Variants in MAGI2 observed in about 807,000 individuals in gnomAD.
MAGI2 encodes the protein membrane associated guanylate kinase, WW and PDZ domain containing 2.
MAGI2 carries 35 observed loss-of-function variants against 133.3 expected under a neutral mutation model. That is an observed-to-expected ratio of 0.26 (90% confidence interval 0.20 to 0.35). The LOEUF is 0.35. MAGI2 is among the 10% of genes least tolerant of loss of function. The pLI is 1.00. For missense variants in MAGI2, 1,636 were observed against 1,863.4 expected (o/e 0.88, Z 2.25); for synonymous variants, 729 against 710.6 (o/e 1.03, Z -0.41).
chr7:78,526,712 T>C (rs577251345), intron 3 of MAGI2, among the ~76,000 whole-genome samples: 143 of 152,252 alleles, frequency 9.4e-4, no homozygotes, highest in Non-Finnish European at 1.9e-3. Flanking sequence ...TACTCTGTTA[T>C]ACAAATAGAA....
At chr7:78,417,965 C>G (rs754459195) in intron 6 of MAGI2, among the ~76,000 whole-genome samples, 6 of 152,100 alleles carry the variant, frequency 3.9e-5, no homozygotes, top group Non-Finnish European at 7.4e-5. Flanking sequence ...AGGACCTGGT[C>G]ATGGCTCTCC....
intron 1 of MAGI2, among the ~76,000 whole-genome samples, chr7:79,429,506 T>C (rs983182031): frequency 1.3e-5 from 2 of 152,076 alleles, no homozygotes; most frequent in African/African-American, 4.8e-5. Context: ...GGTTTCACCA[T>C]GTTGGCCAGG....
At chr7:79,249,081 C>T (rs1833032914) in intron 1 of MAGI2, among the ~76,000 whole-genome samples, 1 of 152,040 alleles carries the variant, frequency 6.6e-6, no homozygotes, top group Non-Finnish European at 1.5e-5. Context: ...ACAGGCTGTT[C>T]TCAAACTCCT....
chr7:78,500,566 C>T (rs900584307), intron 5 of MAGI2, among the ~76,000 whole-genome samples: 3 of 152,030 alleles, frequency 2.0e-5, no homozygotes, highest in Non-Finnish European at 4.4e-5. Context: ...AAAAGAAAAG[C>T]CTGACATTAT....
At chr7:78,166,001 A>C (rs1825586642) in intron 15 of MAGI2, among the ~76,000 whole-genome samples, 1 of 152,192 alleles carries the variant, frequency 6.6e-6, no homozygotes, top group Non-Finnish European at 1.5e-5. Context: ...TAAACTTGGA[A>C]ACTCTCCTGG....
intron 1 of MAGI2, among the ~76,000 whole-genome samples, chr7:79,397,294 CATTTA>C (rs1338858206): frequency 6.6e-6 from 1 of 151,486 alleles, no homozygotes; most frequent in Non-Finnish European, 1.5e-5. Flanking sequence ...TATTTTTTCA[CATTTA>C]ATTATAATAG....
At chr7:78,700,030 T>C (rs894416158) in intron 2 of MAGI2, among the ~76,000 whole-genome samples, 1 of 152,140 alleles carries the variant, frequency 6.6e-6, no homozygotes, top group African/African-American at 2.4e-5. Context: ...CACTTGGACC[T>C]AAAATTATTT....
intron 6 of MAGI2, among the ~76,000 whole-genome samples, chr7:78,480,041 T>C (rs991022841): frequency 2.0e-5 from 3 of 151,920 alleles, no homozygotes; most frequent in Non-Finnish European, 4.4e-5. Context: ...CCACAAAGTT[T>C]ATTCAAAAAA....
At chr7:78,599,145 A>C (rs1804921988) in intron 3 of MAGI2, among the ~76,000 whole-genome samples, 1 of 152,188 alleles carries the variant, frequency 6.6e-6, no homozygotes, top group Non-Finnish European at 1.5e-5. Flanking sequence ...TGTTCAAGTA[A>C]AAATCAATTT....
rs201508908 is a variant in MAGI2 at position 78,078,816 on chromosome 7, A to G, written c.3706+131T>C. 5.6e-3 allele frequency: 4,522 copies of G among 802,210 alleles called. 20 individuals carry two copies. The highest frequency in any genetic ancestry group is 7.3e-3 in the Non-Finnish European group (3,533 of 484,602). 49.7% of individuals were successfully genotyped at this position (802,210 alleles called of 1,614,324 possible). A position where few individuals can be genotyped will look rare whatever the true frequency, so the allele number is the denominator to read the frequency against. On this transcript the variant is annotated intron_variant, in intron 21 of 21. Transcript: ENST00000354212. ...TGTGTGTGTGTGTGTGTGTGTGTAT[A>G]TATATACCTATTGATAGCTAAATAT...
intron 1 of MAGI2, among the ~76,000 whole-genome samples, chr7:79,142,603 C>T (rs760920513): frequency 6.6e-6 from 1 of 152,100 alleles, no homozygotes; most frequent in Admixed American, 6.6e-5. Flanking sequence ...ATGACAATTA[C>T]ATATTGTAAT....
chr7:79,358,937 A>G (rs1450579811), intron 1 of MAGI2, among the ~76,000 whole-genome samples: 1 of 152,224 alleles, frequency 6.6e-6, no homozygotes, highest in Non-Finnish European at 1.5e-5. Context: ...CCTAATAGAC[A>G]AAATGCCAAG....
chr7:79,172,201 T>C (rs1434774185), intron 1 of MAGI2, among the ~76,000 whole-genome samples: 4 of 152,000 alleles, frequency 2.6e-5, no homozygotes, highest in Non-Finnish European at 5.9e-5. Context: ...GAAAATACAA[T>C]AAAAAATATA....
chr7:79,130,336 G>A (rs1160220157), intron 1 of MAGI2, among the ~76,000 whole-genome samples: 4 of 151,994 alleles, frequency 2.6e-5, no homozygotes, highest in Non-Finnish European at 4.4e-5. Context: ...GAAAAGAAGA[G>A]AAAATACTTG....
intron 2 of MAGI2, among the ~76,000 whole-genome samples, chr7:78,841,521 T>C (rs1248326241): frequency 1.3e-5 from 2 of 151,960 alleles, no homozygotes; most frequent in Non-Finnish European, 2.9e-5. Flanking sequence ...CCTCTCATCC[T>C]TACACATGCC....
intron 1 of MAGI2, among the ~76,000 whole-genome samples, chr7:79,205,255 G>A (rs947974060): frequency 5.3e-5 from 8 of 151,870 alleles, no homozygotes; most frequent in Non-Finnish European, 1.0e-4. Context: ...ATAGGTATAA[G>A]AGAGTCCCAA....
chr7:78,859,700 T>C (rs1276557632), intron 2 of MAGI2, among the ~76,000 whole-genome samples: 2 of 136,718 alleles, frequency 1.5e-5, no homozygotes, highest in Non-Finnish European at 1.6e-5. Flanking sequence ...ACTTTGTTAA[T>C]CTGACAATTA....
chr7:79,290,987 C>T (rs952331510), intron 1 of MAGI2, among the ~76,000 whole-genome samples: 4 of 152,022 alleles, frequency 2.6e-5, no homozygotes, highest in Non-Finnish European at 5.9e-5. Flanking sequence ...TAGTTAGTCA[C>T]AGAATTGTGG....
In MAGI2 at chr7:79,088,218, G is replaced by A. The variant is rs561410901; in HGVS notation, c.302-81012C>T. On this transcript the variant is annotated intron_variant, in intron 1 of 21. Transcript: ENST00000354212. ...TGACGAACTACAACCCCTTGAAGAG[G>A]ACCTTCATATCCCTTGTAAGTTGTA... Among the ~76,000 whole-genome samples, 8 of 152,092 alleles carry A rather than the reference G, an allele frequency of 5.3e-5. No individual in the cohort carries two copies. In the South Asian group the frequency reaches 1.7e-3, roughly 32 times the overall value.
Sources: gnomAD v4.1 joint callset for allele counts (sites outside exome capture counted in the v4.1 genomes callset) on GRCh38, gnomAD v4.1.1 for gene constraint, MANE v1.5 for transcripts, NCBI Gene and HGNC (gene_info 2026-07-23, HGNC 2026-07-21) for gene names.